The following RAD51B variants were observed in gnomAD, a reference collection of about 807,000 sequenced individuals.
RAD51B encodes DNA repair protein RAD51 homolog 2.
Under a neutral mutation model 42.2 loss-of-function variants are expected in RAD51B, and 38 were observed. That is an observed-to-expected ratio of 0.90 (90% CI 0.70 to 1.18). The LOEUF is 1.18. RAD51B is among the 50% of genes most tolerant of loss of function. The pLI is 0.00. For synonymous variants in RAD51B, 154 were observed against 145.2 expected (o/e 1.06, Z -0.43); for missense variants, 373 against 400.7 (o/e 0.93, Z 0.59).
chr14:68,603,090 T>C (rs1891290175), intron 10 of RAD51B, among the ~76,000 whole-genome samples: 1 of 152,160 alleles, frequency 6.6e-6, no homozygotes, highest in Non-Finnish European at 1.5e-5. Context: ...CCCTTACGTG[T>C]TCCTCTCCTC....
chr14:68,663,751 G>A (rs145059744), intron 11 of RAD51B, among the ~76,000 whole-genome samples: 48 of 152,268 alleles, frequency 3.2e-4, no homozygotes, highest in African/African-American at 1.1e-3. Context: ...AGAGTTAAAG[G>A]CACGGAATTT....
intron 7 of RAD51B, among the ~76,000 whole-genome samples, chr14:68,216,971 C>G (rs556598604): frequency 6.6e-6 from 1 of 152,308 alleles, no homozygotes; most frequent in South Asian, 2.1e-4. Context: ...TGTAGGAAAC[C>G]TTTTACCTCC....
chr14:68,661,234 A>T (rs538345833), intron 11 of RAD51B, among the ~76,000 whole-genome samples: 1 of 152,324 alleles, frequency 6.6e-6, no homozygotes, highest in African/African-American at 2.4e-5. Context: ...AAGGGAACCA[A>T]CTCTGAGATT....
intron 8 of RAD51B, chr14:68,306,552 G>A (rs2081867272): frequency 2.1e-6 from 1 of 469,236 alleles, no homozygotes; most frequent in Non-Finnish European, 4.3e-6. Context: ...ATCTGAAATT[G>A]GTATGTGTGA....
chr14:68,035,539 T>A (rs1221906740), intron 7 of RAD51B, among the ~76,000 whole-genome samples: 1 of 152,212 alleles, frequency 6.6e-6, no homozygotes, highest in Non-Finnish European at 1.5e-5. Flanking sequence ...TGATTCTCAG[T>A]GCTAGTTCTC....
chr14:68,211,261 G>T (rs1274655), intron 7 of RAD51B, among the ~76,000 whole-genome samples: 78 of 152,104 alleles, frequency 5.1e-4, no homozygotes, highest in African/African-American at 1.8e-3. Flanking sequence ...TGAATATAAG[G>T]CTACTTCCAC....
chr14:67,888,369 A>G (rs1211023424), intron 7 of RAD51B, among the ~76,000 whole-genome samples: 1 of 152,232 alleles, frequency 6.6e-6, no homozygotes, highest in East Asian at 1.9e-4. Flanking sequence ...AAAGTTATGT[A>G]TATAGTTGGC....
At chr14:68,139,268 G>GTTT (rs34284246) in intron 7 of RAD51B, among the ~76,000 whole-genome samples, 2 of 143,472 alleles carry the variant, frequency 1.4e-5, no homozygotes, top group African/African-American at 2.5e-5. Context: ...ATTCTAAATG[G>GTTT]TTTTTTTTTT....
intron 4 of RAD51B, among the ~76,000 whole-genome samples, chr14:67,853,511 A>C (rs2041891042): frequency 6.6e-6 from 1 of 152,184 alleles, no homozygotes; most frequent in South Asian, 2.1e-4. Context: ...CAAGCTGCCA[A>C]GTTTGTGGTA....
intron 10 of RAD51B, among the ~76,000 whole-genome samples, chr14:68,501,208 G>A (rs1017430424): frequency 1.3e-5 from 2 of 152,178 alleles, no homozygotes; most frequent in Admixed American, 6.5e-5. Flanking sequence ...GTCAGGCAAG[G>A]CTGTGCCACA....
intron 7 of RAD51B, among the ~76,000 whole-genome samples, chr14:68,195,484 T>TA: frequency 6.6e-6 from 1 of 152,248 alleles, no homozygotes; most frequent in East Asian, 1.9e-4. Flanking sequence ...GACCTACAAT[T>TA]AAAAAATACA....
chr14:68,326,046 T>C (rs1264449006), intron 8 of RAD51B, among the ~76,000 whole-genome samples: 1 of 140,620 alleles, frequency 7.1e-6, no homozygotes, highest in African/African-American at 2.6e-5. Flanking sequence ...TTCTTTTTTT[T>C]TTTTTTTTTT....
At chr14:68,211,524 T>C (rs2079708025) in intron 7 of RAD51B, among the ~76,000 whole-genome samples, 2 of 152,244 alleles carry the variant, frequency 1.3e-5, no homozygotes. Context: ...CTCCTAGCTT[T>C]CTTAAATGAA....
At chr14:68,068,576 A>G (rs2076691517) in intron 7 of RAD51B, among the ~76,000 whole-genome samples, 1 of 152,054 alleles carries the variant, frequency 6.6e-6, no homozygotes, top group Non-Finnish European at 1.5e-5. Flanking sequence ...GCTGCTCTGG[A>G]TATTTGTTTA....
At chr14:68,450,569 T>C (rs991811070) in intron 9 of RAD51B, among the ~76,000 whole-genome samples, 1 of 152,166 alleles carries the variant, frequency 6.6e-6, no homozygotes, top group Admixed American at 6.5e-5. Context: ...GTTCCACCTC[T>C]GAAGGGCCCT....
intron 7 of RAD51B, among the ~76,000 whole-genome samples, chr14:68,099,267 C>T (rs1187997241): frequency 2.0e-5 from 3 of 152,152 alleles, no homozygotes; most frequent in African/African-American, 7.2e-5. Context: ...TGAATTTAAT[C>T]ATGATGCTCA....
chr14:67,875,194 A>T lies in RAD51B; in HGVS notation c.452+10055A>T, dbSNP rs142319053. 5.3e-4 allele frequency among the ~76,000 whole-genome samples: 81 copies of T among 152,316 alleles called. 4 individuals are homozygous for T. The East Asian group carries it at 0.01, about 19-fold the overall frequency. ...GAAAAGCTTTGAAAATTGGGAAGAC[A>T]ATTAGTCCAGCAAGGGAGGAAGACA... On this transcript the variant is annotated intron_variant, in intron 5 of 10. Transcript: ENST00000471583.
chr14:68,091,578 A>G (rs1376529666), intron 7 of RAD51B, among the ~76,000 whole-genome samples: 5 of 151,964 alleles, frequency 3.3e-5, no homozygotes, highest in African/African-American at 1.2e-4. Flanking sequence ...GTTTGAGTTC[A>G]TTGTAGATTG....
At chr14:67,823,230 A>C (rs1225123041) in intron 1 of RAD51B, among the ~76,000 whole-genome samples, 3 of 152,208 alleles carry the variant, frequency 2.0e-5, no homozygotes, top group Non-Finnish European at 4.4e-5. Flanking sequence ...ACATTTTAAG[A>C]TGCTCTACAA....
Sources: allele counts gnomAD v4.1 joint callset (sites outside exome capture counted in the v4.1 genomes callset), GRCh38; gene constraint gnomAD v4.1.1; transcripts MANE v1.5; gene names NCBI Gene and HGNC (gene_info 2026-07-23, HGNC 2026-07-21).